Variants in PHACTR3 observed in about 807,000 individuals in gnomAD.
The protein encoded by PHACTR3 is phosphatase and actin regulator 3.
In PHACTR3, 16 loss-of-function variants were observed where a neutral mutation model predicts 66.8. The observed-to-expected ratio is 0.24, with a 90% CI of 0.16 to 0.36. The LOEUF is 0.36. PHACTR3 is among the 10% of genes least tolerant of loss of function. PHACTR3 has a pLI of 1.00. For synonymous variants in PHACTR3, 323 were observed against 292.1 expected, an observed-to-expected ratio of 1.11 and a Z score of -1.08; for missense variants, 647 against 719.9, an observed-to-expected ratio of 0.90 and a Z score of 1.16.
In PHACTR3 at chr20:59,605,110, C is replaced by T; in HGVS notation, c.96C>T (p.Ser32=). The T allele has an allele frequency of 7.3e-7, 1 of 1,376,778 alleles. No homozygotes were observed. Among genetic ancestry groups the T allele is most frequent in the Non-Finnish European group, 9.4e-7 (1 of 1,058,852 alleles). The allele number at this position is 1,376,778 out of a possible 1,614,324, so 85.3% of individuals were successfully genotyped here. A position where few individuals can be genotyped will look rare whatever the true frequency, so the allele number is the denominator to read the frequency against. The part of the protein sequence containing the change: ...SVLTDSSATS[S]ADAGENPDEM... ...TCACCGACTCCTCGGCCACCTCCTCCGCGGACGCCGGGGAGAACCCAGGTA... is the reference window on the plus strand; with the variant it reads ...TCACCGACTCCTCGGCCACCTCCTCTGCGGACGCCGGGGAGAACCCAGGTA... Residue 32 remains serine (S), a synonymous_variant, in exon 1 of 13, where the codon TCC becomes TCT. Coordinates refer to ENST00000371015, the MANE Select transcript of PHACTR3 (RefSeq NM_080672.5).
chr20:59,746,022 T>C (rs2039359223), intron 2 of PHACTR3, among the ~76,000 whole-genome samples: 2 of 152,224 alleles, frequency 1.3e-5, no homozygotes. Flanking sequence ...TTATCTGCTT[T>C]GTGAGCCTGG....
intron 3 of PHACTR3, among the ~76,000 whole-genome samples, chr20:59,751,565 C>T (rs1350794851): frequency 3.9e-5 from 6 of 152,100 alleles, no homozygotes; most frequent in African/African-American, 1.4e-4. Context: ...TGGGCAGGGC[C>T]AGCAGAAGAG....
rs1206823900 is a variant in PHACTR3, at chr20:59,798,344, T to C, written c.1175-7697T>C. ...TCTGTTAACACTATTACATTGGAGA[T>C]TAAGTTTCAACATGAATTTTGGAAG... On this transcript the variant is annotated intron_variant, in intron 7 of 12. Transcript: ENST00000371015. Among the ~76,000 whole-genome samples, 65 of 152,214 alleles carry C rather than the reference T, an allele frequency of 4.3e-4. 1 individual carries two copies. Among genetic ancestry groups the C allele is most frequent in the Non-Finnish European group, 1.6e-4 (11 of 68,020 alleles).
chr20:59,815,483 G>A (rs1389491354), intron 8 of PHACTR3, among the ~76,000 whole-genome samples: 1 of 147,336 alleles, frequency 6.8e-6, no homozygotes, highest in African/African-American at 2.6e-5. Flanking sequence ...GGAGTGCAGT[G>A]GCGTGATCTC....
chr20:59,818,298 G>A (rs1228176677), intron 8 of PHACTR3, among the ~76,000 whole-genome samples: 1 of 152,162 alleles, frequency 6.6e-6, no homozygotes, highest in Admixed American at 6.5e-5. Context: ...CCTGTCTTTT[G>A]GGGCCACGGG....
intron 1 of PHACTR3, among the ~76,000 whole-genome samples, chr20:59,618,494 C>T (rs998125204): frequency 6.6e-6 from 1 of 152,244 alleles, no homozygotes; most frequent in African/African-American, 2.4e-5. Flanking sequence ...GGGGCCTGGG[C>T]TGGGGTTTGC....
upstream of PHACTR3, among the ~76,000 whole-genome samples, chr20:59,601,205 T>C (rs144541061): frequency 2.9e-3 from 445 of 152,338 alleles, no homozygotes; most frequent in African/African-American, 9.9e-3. Context: ...TGCATATAAC[T>C]GGGTTCATGT....
chr20:59,671,257 C>T (rs1804400490), intron 1 of PHACTR3, among the ~76,000 whole-genome samples: 1 of 152,202 alleles, frequency 6.6e-6, no homozygotes, highest in African/African-American at 2.4e-5. Context: ...AGCATCTGTA[C>T]ATTCACAAGA....
At chr20:59,606,180 A>G (rs2033661954) in intron 1 of PHACTR3, among the ~76,000 whole-genome samples, 1 of 152,120 alleles carries the variant, frequency 6.6e-6, no homozygotes, top group Non-Finnish European at 1.5e-5. Flanking sequence ...GGGCATCAGA[A>G]TCCCTGGGGC....
At chr20:59,644,405 G>C (rs190178342) in intron 1 of PHACTR3, among the ~76,000 whole-genome samples, 5 of 152,344 alleles carry the variant, frequency 3.3e-5, no homozygotes, top group African/African-American at 9.6e-5. Context: ...GACATTGGTT[G>C]TTCAGTTTCA....
rs1159968707 is a variant in PHACTR3, at chr20:59,820,412, G to T, written c.1328+14218G>T. Among the ~76,000 whole-genome samples, 2 of 152,212 alleles carry T rather than the reference G, an allele frequency of 1.3e-5. No homozygotes were observed. The highest frequency in any genetic ancestry group is 4.8e-5 in the African/African-American group (2 of 41,456). The stretch of plus-strand genomic sequence containing the variant: ...ATGGTGGCTATCATGTATGGATCTT[G>T]TACGTTCTGCTTTTAGATGGAGGTA... On this transcript the variant is annotated intron_variant, in intron 8 of 12. Coordinates refer to ENST00000371015, the MANE Select transcript of PHACTR3 (RefSeq NM_080672.5). This position sits in a 1 kb window ranked among gnomAD's most constrained non-coding sequence, Gnocchi z 4.6.
intron 4 of PHACTR3, among the ~76,000 whole-genome samples, chr20:59,759,090 C>CT (rs1355292351): frequency 6.6e-6 from 1 of 152,176 alleles, no homozygotes; most frequent in South Asian, 2.1e-4. Context: ...ATTTAGCTGC[C>CT]TACAGATGCT....
intron 1 of PHACTR3, among the ~76,000 whole-genome samples, chr20:59,584,133 A>ACTCAGTGC (rs547757736): frequency 1.3e-5 from 2 of 152,190 alleles, no homozygotes; most frequent in African/African-American, 4.8e-5. Flanking sequence ...GGCAGCCCTG[A>ACTCAGTGC]CTCAGTGCCT....
intron 1 of PHACTR3, among the ~76,000 whole-genome samples, chr20:59,680,983 C>A (rs1047700958): frequency 1.3e-5 from 2 of 152,076 alleles, no homozygotes; most frequent in African/African-American, 4.8e-5. Flanking sequence ...GGTGTGTTTA[C>A]CCTGCAGGAT....
At chr20:59,749,312 T>C (rs1490696754) in intron 3 of PHACTR3, among the ~76,000 whole-genome samples, 1 of 152,160 alleles carries the variant, frequency 6.6e-6, no homozygotes. Context: ...AAAAAAACAC[T>C]ACTTTTGTTG....
intron 8 of PHACTR3, among the ~76,000 whole-genome samples, chr20:59,821,524 C>A (rs1413621059): frequency 6.6e-6 from 1 of 152,166 alleles, no homozygotes; most frequent in African/African-American, 2.4e-5. Context: ...GTTGGACCCT[C>A]CTCATGTGGC....
intron 7 of PHACTR3, among the ~76,000 whole-genome samples, chr20:59,781,777 C>A (rs546347869): frequency 1.4e-4 from 21 of 152,172 alleles, no homozygotes; most frequent in African/African-American, 5.1e-4. Context: ...CACAGCCTGC[C>A]CCACTGTGTC....
chr20:59,612,425 A>G (rs1354026242), intron 1 of PHACTR3, among the ~76,000 whole-genome samples: 1 of 150,212 alleles, frequency 6.7e-6, no homozygotes, highest in African/African-American at 2.5e-5. Context: ...CAGTGACGCC[A>G]TCTCGGCTCA....
intron 1 of PHACTR3, among the ~76,000 whole-genome samples, chr20:59,698,655 T>C (rs903591628): frequency 6.6e-6 from 1 of 152,176 alleles, no homozygotes; most frequent in African/African-American, 2.4e-5. Flanking sequence ...GGGAAAAGTT[T>C]GGATATCTAA....
Sources: gnomAD v4.1 joint callset for allele counts (sites outside exome capture counted in the v4.1 genomes callset) on GRCh38, gnomAD v4.1.1 for gene constraint, Gnocchi (gnomAD v3.1) non-coding constraint, MANE v1.5 for transcripts, NCBI Gene and HGNC (gene_info 2026-07-23, HGNC 2026-07-21) for gene names.